CADM2: variants seen among roughly 807,000 people sequenced by gnomAD.
CADM2 encodes the protein immunoglobulin superfamily member 4D.
Under a neutral mutation model 49.8 loss-of-function variants are expected in CADM2, and 12 were observed. The observed-to-expected ratio is 0.24, with a 90% confidence interval of 0.15 to 0.39. The LOEUF (loss-of-function observed/expected upper bound fraction) is 0.39. Among genes scored for constraint, CADM2 ranks in the 10% least tolerant of loss-of-function variants. CADM2 has a pLI of 1.00. For missense variants in CADM2, 378 were observed against 492.3 expected (o/e 0.77, Z 2.20); for synonymous variants, 214 against 175.4 (o/e 1.22, Z -1.74).
At position 85,089,903 on chromosome 3, in the gene CADM2, T is replaced by C. The variant is rs555478492; in HGVS notation, c.61+130235T>C. 8.5e-5 allele frequency among the ~76,000 whole-genome samples: 13 copies of C among 152,324 alleles called. No individual in the cohort carries two copies. The South Asian group carries it at 2.7e-3, about 32-fold the overall frequency. On this transcript the variant is annotated intron_variant, in intron 1 of 9. Transcript: ENST00000383699. ...ATGTGCCAAACAAATTGAATTTCTT[T>C]TTCCTACCACATTTCTATTGGCGGG... is the stretch of plus-strand genomic sequence containing the variant.
intron 3 of CADM2, among the ~76,000 whole-genome samples, chr3:85,823,825 G>A (rs2108198178): frequency 6.6e-6 from 1 of 152,108 alleles, no homozygotes; most frequent in African/African-American, 2.4e-5. Context: ...TCAACATTTT[G>A]ATATATAAAG....
chr3:85,231,461 TAA>T (rs2042287499), intron 1 of CADM2, among the ~76,000 whole-genome samples: 1 of 151,574 alleles, frequency 6.6e-6, no homozygotes, highest in African/African-American at 2.4e-5. Context: ...AGGATGGATA[TAA>T]GAGAAAAAAG....
chr3:85,178,413 TG>T (rs1286210840), intron 1 of CADM2, among the ~76,000 whole-genome samples: 1 of 151,904 alleles, frequency 6.6e-6, no homozygotes, highest in Admixed American at 6.6e-5. Context: ...ATAAATTGTT[TG>T]TTGAATTGCT....
chr3:85,481,157 G>A (rs1218025614), intron 1 of CADM2, among the ~76,000 whole-genome samples: 1 of 150,030 alleles, frequency 6.7e-6, no homozygotes, highest in Non-Finnish European at 1.5e-5. Context: ...TAGTTTCAAT[G>A]ATAAGACATT....
intron 2 of CADM2, among the ~76,000 whole-genome samples, chr3:85,781,376 T>C (rs2070641726): frequency 6.6e-6 from 1 of 152,204 alleles, no homozygotes; most frequent in Admixed American, 6.5e-5. Flanking sequence ...CTTTCCTTCC[T>C]TTAGGTTCTA....
chr3:85,510,384 T>C (rs1424056058), intron 1 of CADM2, among the ~76,000 whole-genome samples: 1 of 152,054 alleles, frequency 6.6e-6, no homozygotes, highest in Non-Finnish European at 1.5e-5. Flanking sequence ...ATATTCCAAT[T>C]AGAAATTCTT....
intron 2 of CADM2, among the ~76,000 whole-genome samples, chr3:85,763,061 C>CA (rs2069470430): frequency 6.6e-6 from 1 of 152,078 alleles, no homozygotes; most frequent in Admixed American, 6.6e-5. Context: ...TTTATTAGAG[C>CA]TTCCTGATAA....
intron 8 of CADM2, among the ~76,000 whole-genome samples, chr3:86,018,327 G>A (rs112751553): frequency 1.0e-4 from 14 of 139,338 alleles, no homozygotes; most frequent in African/African-American, 2.9e-4. Context: ...GAATAATGCC[G>A]CAATAAACAT....
At chr3:85,478,552 C>T (rs1318330138) in intron 1 of CADM2, among the ~76,000 whole-genome samples, 1 of 151,562 alleles carries the variant, frequency 6.6e-6, no homozygotes, top group Non-Finnish European at 1.5e-5. Flanking sequence ...AAAAACTGAC[C>T]AGAAAATAAA....
intron 1 of CADM2, among the ~76,000 whole-genome samples, chr3:85,470,266 G>A (rs897059030): frequency 6.6e-6 from 1 of 152,070 alleles, no homozygotes; most frequent in Non-Finnish European, 1.5e-5. Flanking sequence ...GCATCTTAAG[G>A]TGGTGATGCA....
At chr3:85,493,841 TC>T (rs2039776453) in intron 1 of CADM2, among the ~76,000 whole-genome samples, 1 of 152,154 alleles carries the variant, frequency 6.6e-6, no homozygotes, top group Non-Finnish European at 1.5e-5. Context: ...CTCAAGAACA[TC>T]CCTGTGTGAG....
intron 1 of CADM2, among the ~76,000 whole-genome samples, chr3:85,485,257 A>C (rs888228767): frequency 2.6e-5 from 4 of 151,930 alleles, no homozygotes; most frequent in African/African-American, 9.7e-5. Context: ...GTATTTAAAA[A>C]ATTAGAACTA....
intron 1 of CADM2, among the ~76,000 whole-genome samples, chr3:85,634,611 CATT>C (rs1169206939): frequency 6.6e-6 from 1 of 151,896 alleles, no homozygotes; most frequent in Non-Finnish European, 1.5e-5. Flanking sequence ...TTTTTCAAAT[CATT>C]GTTTCCTAAA....
intron 1 of CADM2, among the ~76,000 whole-genome samples, chr3:85,489,844 G>T (rs896318777): frequency 6.6e-5 from 10 of 151,800 alleles, no homozygotes; most frequent in African/African-American, 2.4e-4. Flanking sequence ...GAGGGAGAGA[G>T]AGATTATATA....
chr3:85,294,787 A>G (rs9809981), intron 1 of CADM2, among the ~76,000 whole-genome samples: 4 of 152,236 alleles, frequency 2.6e-5, no homozygotes, highest in East Asian at 1.9e-4. Flanking sequence ...ACAAAAATCA[A>G]TTCAAGTTGG....
intron 1 of CADM2, among the ~76,000 whole-genome samples, chr3:85,292,115 CA>C (rs2043816795): frequency 1.4e-5 from 2 of 146,400 alleles, no homozygotes; most frequent in South Asian, 4.4e-4. Context: ...AAATGGAAAA[CA>C]AAAAAAGGCA....
chr3:85,488,350 C>A (rs755994192), intron 1 of CADM2, among the ~76,000 whole-genome samples: 5 of 152,064 alleles, frequency 3.3e-5, no homozygotes, highest in Admixed American at 6.6e-5. Flanking sequence ...ATCTAGGTTA[C>A]AGATTTGATA....
chr3:85,240,948 A>T lies in CADM2; in HGVS notation c.61+281280A>T, dbSNP rs72917105. ...ATGATCAAATCAGGGTAATTGGCAG[A>T]TTCATTACCTCAAGCATTTATCACT... On this transcript the variant is annotated intron_variant, in intron 1 of 9. Transcript: ENST00000383699. Among the ~76,000 whole-genome samples, 992 of 151,672 alleles carry T rather than the reference A, an allele frequency of 6.5e-3. 14 individuals are homozygous for T. Among genetic ancestry groups the T allele is most frequent in the African/African-American group, 0.022 (914 of 41,514 alleles).
chr3:85,958,244 G>A (rs1000246497), intron 7 of CADM2, among the ~76,000 whole-genome samples: 2 of 151,968 alleles, frequency 1.3e-5, no homozygotes, highest in African/African-American at 4.8e-5. Context: ...AAACCACAAT[G>A]AGGTACCATC....
Sources: gnomAD v4.1 joint callset for allele counts (sites outside exome capture counted in the v4.1 genomes callset) on GRCh38, gnomAD v4.1.1 for gene constraint, MANE v1.5 for transcripts, NCBI Gene and HGNC (gene_info 2026-07-23, HGNC 2026-07-21) for gene names.